Variants in PTCHD4 observed in about 807,000 individuals in gnomAD.
PTCHD4 encodes patched domain containing 4.
PTCHD4 carries 33 observed loss-of-function variants against 58.1 expected under a neutral mutation model. The observed-to-expected ratio is 0.57, with a 90% CI of 0.43 to 0.76. PTCHD4 has a LOEUF of 0.76. PTCHD4 is among the 30% of genes least tolerant of loss of function. The pLI, the probability that PTCHD4 is intolerant of heterozygous loss-of-function variation, is 0.00. For synonymous variants in PTCHD4, 478 were observed against 409.6 expected, an observed-to-expected ratio of 1.17 and a Z score of -2.02; for missense variants, 1,058 against 1,027.1, an observed-to-expected ratio of 1.03 and a Z score of -0.41.
chr6:47,918,257 A>G (rs757343515), intron 4 of PTCHD4, among the ~76,000 whole-genome samples: 5 of 152,154 alleles, frequency 3.3e-5, no homozygotes, highest in Non-Finnish European at 5.9e-5. Context: ...AGCTAAATCA[A>G]TGGAAATGCT....
At chr6:48,031,602 G>GT (rs1763443101) in intron 3 of PTCHD4, among the ~76,000 whole-genome samples, 1 of 152,066 alleles carries the variant, frequency 6.6e-6, no homozygotes, top group Non-Finnish European at 1.5e-5. Flanking sequence ...AATAGAAGCC[G>GT]TGGGGGGAAT....
intron 1 of PTCHD4, among the ~76,000 whole-genome samples, chr6:48,085,733 G>A (rs1765250809): frequency 6.6e-6 from 1 of 152,082 alleles, no homozygotes; most frequent in African/African-American, 2.4e-5. Context: ...TTTAGTTGCA[G>A]CCTCATTTTT....
intron 4 of PTCHD4, among the ~76,000 whole-genome samples, chr6:47,930,254 C>T (rs1765767509): frequency 6.6e-6 from 1 of 152,106 alleles, no homozygotes. Flanking sequence ...TGTCTTACAC[C>T]TAAGCATTCA....
At position 47,990,928 on chromosome 6, in the gene PTCHD4, C is replaced by T. The variant is rs564185489; in HGVS notation, c.898+17706G>A. Among the ~76,000 whole-genome samples the T allele has an allele frequency of 2.6e-5, 4 of 151,652 alleles. No homozygotes were observed. The East Asian group carries it at 7.7e-4, about 29-fold the overall frequency. The stretch of plus-strand genomic sequence containing the variant: ...CTACATATTCTCTTTTATCTAGATG[C>T]TACAAAGAAGAAAATTAGCAAACTG... On this transcript the variant is annotated intron_variant, in intron 4 of 4. Coordinates refer to ENST00000339488, the MANE Select transcript of PTCHD4 (RefSeq NM_001384253.1).
rs78519741 is a variant in PTCHD4, at chr6:47,861,716, A to G, written c.*16587T>C. Reference sequence around the variant, plus strand: ...ATAAATAATAACTCTAGTTTTGCCAATGTCTCATAACAAATGTTTCAGTGA... The same window carrying G: ...ATAAATAATAACTCTAGTTTTGCCAGTGTCTCATAACAAATGTTTCAGTGA... On this transcript the variant is annotated 3_prime_UTR_variant, in exon 5 of 5. Coordinates refer to ENST00000339488, the MANE Select transcript of PTCHD4 (RefSeq NM_001384253.1). Among the ~76,000 whole-genome samples the G allele has an allele frequency of 7.2e-4, 110 of 152,082 alleles. 4 individuals are homozygous for G. The East Asian group carries it at 0.017, about 24-fold the overall frequency.
rs79887727 is a variant in PTCHD4, at chr6:48,070,674, A to C, written c.-969-748T>G. Among the ~76,000 whole-genome samples the C allele has an allele frequency of 1.1e-4, 17 of 152,338 alleles. No homozygotes were observed. In the East Asian group the frequency reaches 3.3e-3, roughly 29 times the overall value. ...ATTCACAAATTTTTCTAGGAAGCCCATTCTATTGTTACACTGCCTTTTCTT... is the reference window on the plus strand; with the variant it reads ...ATTCACAAATTTTTCTAGGAAGCCCCTTCTATTGTTACACTGCCTTTTCTT... On this transcript the variant is annotated intron_variant, in intron 1 of 4. Transcript: ENST00000339488.
In PTCHD4 at chr6:47,857,609, C is replaced by T. The variant is rs514974; in HGVS notation, c.*20694G>A. ...CAGTGCTAACTCAATTTCATACCACCGCAAAACTATGGTAAACCATAGTGT... is the reference window on the plus strand; with the variant it reads ...CAGTGCTAACTCAATTTCATACCACTGCAAAACTATGGTAAACCATAGTGT... On this transcript the variant is annotated 3_prime_UTR_variant, in exon 5 of 5. Transcript: ENST00000339488. Among the ~76,000 whole-genome samples, 92,087 of 151,796 alleles carry T rather than the reference C, an allele frequency of 0.61. 28,542 individuals carry two copies. Among genetic ancestry groups the T allele is most frequent in the East Asian group, 0.78 (4,015 of 5,136 alleles).
chr6:48,068,378 G>C lies in PTCHD4; in HGVS notation c.269C>G (p.Pro90Arg). 2 of 1,613,960 alleles carry C rather than the reference G, an allele frequency of 1.2e-6. No individual in the cohort carries two copies. Among genetic ancestry groups the C allele is most frequent in the South Asian group, 1.1e-5 (1 of 91,080 alleles). Residue 90 changes from proline to arginine, a missense_variant, in exon 3 of 5, where the codon CCC (proline) becomes CGC (arginine). Pro to Arg is a moderately radical substitution (Grantham distance 103). Coordinates refer to ENST00000339488, the MANE Select transcript of PTCHD4 (RefSeq NM_001384253.1). The surrounding 1 kb of genome is among the most constrained non-coding windows in gnomAD (Gnocchi z 4.2). ...GAGCTGGCTTTTGGACTGGTCCAGG[G>C]GGAAAAGGCTGCTGGCCAGGCTGCG... Reference protein sequence around the residue: ...IERSLASSLFPLDQSKSQLYS... With the variant: ...IERSLASSLFRLDQSKSQLYS...
At chr6:48,013,028 A>G (rs545711282) in intron 3 of PTCHD4, among the ~76,000 whole-genome samples, 1 of 152,218 alleles carries the variant, frequency 6.6e-6, no homozygotes, top group Non-Finnish European at 1.5e-5. Context: ...ATTGGCCTGA[A>G]ATTTCCCTTT....
At chr6:47,948,473 T>A (rs1370038957) in intron 4 of PTCHD4, among the ~76,000 whole-genome samples, 4 of 152,166 alleles carry the variant, frequency 2.6e-5, no homozygotes, top group African/African-American at 9.7e-5. Context: ...AGTTCGGAAT[T>A]GTGAGGGCTA....
At chr6:47,899,685 AG>A in intron 4 of PTCHD4, 2 of 396,984 alleles carry the variant, frequency 5.0e-6, no homozygotes, top group Non-Finnish European at 6.8e-6. Context: ...AAAAGTTTCT[AG>A]TATACTACAA....
intron 4 of PTCHD4, among the ~76,000 whole-genome samples, chr6:47,974,680 G>A (rs1767629142): frequency 6.6e-6 from 1 of 152,152 alleles, no homozygotes; most frequent in Non-Finnish European, 1.5e-5. Flanking sequence ...AATGCTGTAC[G>A]AATATAAGAA....
chr6:48,022,171 T>C (rs1240952378), intron 3 of PTCHD4, among the ~76,000 whole-genome samples: 2 of 151,772 alleles, frequency 1.3e-5, no homozygotes, highest in African/African-American at 4.8e-5. Context: ...ATCTCCTTTC[T>C]CCCTCTCCTC....
intron 4 of PTCHD4, among the ~76,000 whole-genome samples, chr6:47,899,019 G>C (rs1234366413): frequency 6.6e-6 from 1 of 152,178 alleles, no homozygotes; most frequent in African/African-American, 2.4e-5. Context: ...TTCCTTCAGG[G>C]AGAAGACTAG....
chr6:48,060,405 C>G (rs1176495594), intron 3 of PTCHD4, among the ~76,000 whole-genome samples: 1 of 152,202 alleles, frequency 6.6e-6, no homozygotes, highest in Non-Finnish European at 1.5e-5. Context: ...TCATAACCTC[C>G]TGAAACTATG....
At chr6:48,031,733 G>A (rs1244070066) in intron 3 of PTCHD4, among the ~76,000 whole-genome samples, 3 of 152,094 alleles carry the variant, frequency 2.0e-5, no homozygotes, top group East Asian at 1.9e-4. Context: ...CATTAAACAA[G>A]GGATGGGAAA....
At position 47,878,292 on chromosome 6, in the gene PTCHD4, G is replaced by A; in HGVS notation, c.*11C>T. The A allele has an allele frequency of 6.4e-7, 1 of 1,570,030 alleles. No individual in the cohort carries two copies. Among genetic ancestry groups the A allele is most frequent in the East Asian group, 2.2e-5 (1 of 44,760 alleles). On this transcript the variant is annotated 3_prime_UTR_variant, in exon 5 of 5. Coordinates refer to ENST00000339488, the MANE Select transcript of PTCHD4 (RefSeq NM_001384253.1). ...ACTGGAAAAGAAAAATAATCCACTGGTCTATACCCCTCATACTGTGGTGAC... is the reference window on the plus strand; with the variant it reads ...ACTGGAAAAGAAAAATAATCCACTGATCTATACCCCTCATACTGTGGTGAC...
At chr6:47,966,612 C>T (rs1178323550) in intron 4 of PTCHD4, among the ~76,000 whole-genome samples, 1 of 152,172 alleles carries the variant, frequency 6.6e-6, no homozygotes, top group Non-Finnish European at 1.5e-5. Flanking sequence ...AAATTGAAGC[C>T]AGTCCTTTTA....
chr6:48,083,460 A>G (rs974931193), intron 1 of PTCHD4, among the ~76,000 whole-genome samples: 17 of 152,188 alleles, frequency 1.1e-4, no homozygotes, highest in African/African-American at 4.1e-4. Flanking sequence ...TATGGTAGGC[A>G]GAATAATGGC....
Sources: gnomAD v4.1 joint callset for allele counts (sites outside exome capture counted in the v4.1 genomes callset) on GRCh38, gnomAD v4.1.1 for gene constraint, Gnocchi (gnomAD v3.1) non-coding constraint, MANE v1.5 for transcripts, NCBI Gene and HGNC (gene_info 2026-07-23, HGNC 2026-07-21) for gene names.